AMPH: variants seen among roughly 807,000 people sequenced by gnomAD.
The protein encoded by AMPH is amphiphysin (Stiff-Mann syndrome with breast cancer 128kD autoantigen).
In AMPH, 49 loss-of-function variants were observed where a neutral mutation model predicts 99.1. The observed-to-expected ratio is 0.49, with a 90% CI of 0.39 to 0.63. The LOEUF (loss-of-function observed/expected upper bound fraction) is 0.63. Among genes scored for constraint, AMPH ranks in the 20% least tolerant of loss-of-function variants. AMPH has a pLI of 0.00. For missense variants in AMPH, 759 were observed against 863.4 expected (o/e 0.88, Z 1.52); for synonymous variants, 314 against 317.3 (o/e 0.99, Z 0.11).
chr7:38,508,082 A>T (rs1789399095), intron 2 of AMPH, among the ~76,000 whole-genome samples: 1 of 152,236 alleles, frequency 6.6e-6, no homozygotes, highest in Non-Finnish European at 1.5e-5. Context: ...CCCAGAAGAA[A>T]GGAGCCATAG....
intron 1 of AMPH, among the ~76,000 whole-genome samples, chr7:38,575,170 T>C (rs1235720043): frequency 6.6e-6 from 1 of 152,080 alleles, no homozygotes; most frequent in Non-Finnish European, 1.5e-5. Context: ...AAATACGTAC[T>C]TTCAACTCTA....
intron 1 of AMPH, among the ~76,000 whole-genome samples, chr7:38,581,162 A>T (rs1348172318): frequency 6.6e-6 from 1 of 152,198 alleles, no homozygotes; most frequent in African/African-American, 2.4e-5. Flanking sequence ...GGAAAATGAG[A>T]GGCAATTATT....
chr7:38,579,026 T>C (rs1792349646), intron 1 of AMPH, among the ~76,000 whole-genome samples: 1 of 152,186 alleles, frequency 6.6e-6, no homozygotes, highest in Admixed American at 6.5e-5. Context: ...AAGCAAATCA[T>C]ATCTTAGTGT....
chr7:38,606,267 T>G (rs2129063291), intron 1 of AMPH, among the ~76,000 whole-genome samples: 1 of 152,306 alleles, frequency 6.6e-6, no homozygotes, highest in South Asian at 2.1e-4. Context: ...AATGTGTAAC[T>G]CAGGGGTATT....
At chr7:38,492,928 C>T (rs1024566639) in intron 4 of AMPH, among the ~76,000 whole-genome samples, 1 of 152,092 alleles carries the variant, frequency 6.6e-6, no homozygotes, top group African/African-American at 2.4e-5. Context: ...TGTTGAAATA[C>T]TGTGTTTTAA....
intron 17 of AMPH, among the ~76,000 whole-genome samples, chr7:38,407,480 C>T (rs1785078614): frequency 6.6e-6 from 1 of 151,844 alleles, no homozygotes; most frequent in African/African-American, 2.4e-5. Flanking sequence ...GGAGAGGAGG[C>T]TGAAGGTTGG....
At chr7:38,621,727 G>A (rs1248048601) in intron 1 of AMPH, among the ~76,000 whole-genome samples, 1 of 152,114 alleles carries the variant, frequency 6.6e-6, no homozygotes, top group Non-Finnish European at 1.5e-5. Flanking sequence ...GACCAAAATG[G>A]TGGTTTTCTC....
chr7:38,563,732 T>G (rs553029958), intron 1 of AMPH, among the ~76,000 whole-genome samples: 1 of 152,356 alleles, frequency 6.6e-6, no homozygotes, highest in South Asian at 2.1e-4. Context: ...CTGATTTAGA[T>G]ATAAGTGCTC....
intron 1 of AMPH, among the ~76,000 whole-genome samples, chr7:38,594,928 T>TA (rs1247013843): frequency 9.2e-5 from 14 of 151,886 alleles, no homozygotes; most frequent in African/African-American, 3.4e-4. Context: ...TAGATGGAAG[T>TA]AAAAAAACAA....
intron 13 of AMPH, among the ~76,000 whole-genome samples, chr7:38,431,572 T>G (rs1181120673): frequency 6.7e-6 from 1 of 149,514 alleles, no homozygotes; most frequent in Non-Finnish European, 1.5e-5. Context: ...AGGAGAAGGG[T>G]GTGAACCCGG....
At chr7:38,550,269 T>G (rs1378639490) in intron 1 of AMPH, among the ~76,000 whole-genome samples, 1 of 152,198 alleles carries the variant, frequency 6.6e-6, no homozygotes, top group Non-Finnish European at 1.5e-5. Context: ...ATGCAGTATC[T>G]CAGGCCCTAT....
chr7:38,490,124 A>C (rs188162363), intron 5 of AMPH, among the ~76,000 whole-genome samples: 18 of 152,288 alleles, frequency 1.2e-4, no homozygotes, highest in African/African-American at 4.1e-4. Context: ...AGATGTCTCA[A>C]AACATGTTCC....
In AMPH at chr7:38,384,363, G is replaced by A. The variant is rs549178297; in HGVS notation, c.*455C>T. 2.5e-5 allele frequency: 4 copies of A among 160,276 alleles called. No homozygotes were observed. The highest frequency in any genetic ancestry group is 4.8e-5 in the African/African-American group (2 of 41,738). 9.9% of individuals were successfully genotyped at this position (160,276 alleles called of 1,614,324 possible). A position where few individuals can be genotyped will look rare whatever the true frequency, so the allele number is the denominator to read the frequency against. ...CATTGAGAACTTTTGCAGCAGTTTA[G>A]TTTTAAACATAGTAAACCTGAAAGG... On this transcript the variant is annotated 3_prime_UTR_variant, in exon 21 of 21. Coordinates refer to ENST00000356264, the MANE Select transcript of AMPH (RefSeq NM_001635.4).
At chr7:38,557,562 TG>T (rs1357988936) in intron 1 of AMPH, among the ~76,000 whole-genome samples, 1 of 152,194 alleles carries the variant, frequency 6.6e-6, no homozygotes, top group Non-Finnish European at 1.5e-5. Flanking sequence ...GTAAGTTTCC[TG>T]AGACCTCCCC....
rs1391480315 is a variant in AMPH at position 38,591,333 on chromosome 7, G to C, written c.69+39950C>G. On this transcript the variant is annotated intron_variant, in intron 1 of 20. Coordinates refer to ENST00000356264, the MANE Select transcript of AMPH (RefSeq NM_001635.4). ...ATGGAGTTCCTCTCTTGTCACCCAG[G>C]CTAGAGTGCAATGGCATGATCTCAG... Among the ~76,000 whole-genome samples the C allele has an allele frequency of 2.0e-5, 3 of 149,050 alleles. No homozygotes were observed. In the East Asian group the frequency reaches 5.9e-4, roughly 29 times the overall value.
At chr7:38,489,326 A>G (rs777489055) in intron 5 of AMPH, among the ~76,000 whole-genome samples, 3 of 152,056 alleles carry the variant, frequency 2.0e-5, no homozygotes, top group Admixed American at 6.6e-5. Context: ...ATCTTATACC[A>G]TACACAAAAA....
At chr7:38,588,279 A>T (rs1339969425) in intron 1 of AMPH, among the ~76,000 whole-genome samples, 1 of 152,130 alleles carries the variant, frequency 6.6e-6, no homozygotes, top group Non-Finnish European at 1.5e-5. Flanking sequence ...ATTAAGATGG[A>T]AGATGGGATA....
intron 11 of AMPH, among the ~76,000 whole-genome samples, chr7:38,460,660 G>A (rs1274960199): frequency 1.3e-5 from 2 of 152,186 alleles, no homozygotes; most frequent in African/African-American, 2.4e-5. Flanking sequence ...TCGATCTCAT[G>A]GAGATAGAGG....
chr7:38,614,702 T>C (rs1793811739), intron 1 of AMPH, among the ~76,000 whole-genome samples: 1 of 152,170 alleles, frequency 6.6e-6, no homozygotes, highest in Non-Finnish European at 1.5e-5. Context: ...ACTCAAGCAT[T>C]CTTTATGATT....
Sources: gnomAD v4.1 joint callset for allele counts (sites outside exome capture counted in the v4.1 genomes callset) on GRCh38, gnomAD v4.1.1 for gene constraint, MANE v1.5 for transcripts, NCBI Gene and HGNC (gene_info 2026-07-23, HGNC 2026-07-21) for gene names.